Variants in EPHA3 observed in about 807,000 individuals in gnomAD.
EPHA3 encodes ephrin type-A receptor 3.
EPHA3 carries 42 observed loss-of-function variants against 107.1 expected under a neutral mutation model. That is an observed-to-expected ratio of 0.39 (90% confidence interval 0.31 to 0.51). EPHA3 has a LOEUF of 0.51. Among genes scored for constraint, EPHA3 ranks in the 20% least tolerant of loss-of-function variants. The pLI is 0.78. For missense variants in EPHA3, 1,183 were observed against 1,211.2 expected, an observed-to-expected ratio of 0.98 and a Z score of 0.35; for synonymous variants, 461 against 424.8, an observed-to-expected ratio of 1.09 and a Z score of -1.05.
intron 3 of EPHA3, among the ~76,000 whole-genome samples, chr3:89,300,530 T>G (rs1265971401): frequency 6.6e-6 from 1 of 152,002 alleles, no homozygotes; most frequent in Admixed American, 6.6e-5. Flanking sequence ...AATTACTTAG[T>G]ACATGCTATG....
In EPHA3 at chr3:89,353,157, A is replaced by G. The variant is rs1395086543; in HGVS notation, c.1306+11067A>G. Among the ~76,000 whole-genome samples, 44 of 151,218 alleles carry G rather than the reference A, an allele frequency of 2.9e-4. 2 individuals carry two copies. Among genetic ancestry groups the G allele is most frequent in the Admixed American group, 2.8e-3 (43 of 15,128 alleles). Reference sequence around the variant, plus strand: ...TAAAATAAAGGTAGAATAAATGCTTAGCTGAATCTGCCATTAAACTATGGC... The same window carrying G: ...TAAAATAAAGGTAGAATAAATGCTTGGCTGAATCTGCCATTAAACTATGGC... On this transcript the variant is annotated intron_variant, in intron 5 of 16. Coordinates refer to ENST00000336596, the MANE Select transcript of EPHA3 (RefSeq NM_005233.6).
At chr3:89,432,958 A>G (rs1371947183) in intron 13 of EPHA3, among the ~76,000 whole-genome samples, 1 of 152,102 alleles carries the variant, frequency 6.6e-6, no homozygotes, top group Non-Finnish European at 1.5e-5. Flanking sequence ...TACTCTATTC[A>G]TATACATAAT....
rs555489465 is a variant in EPHA3, at chr3:89,382,333, C to A, written c.1307-13504C>A. Among the ~76,000 whole-genome samples, 9 of 151,790 alleles carry A rather than the reference C, an allele frequency of 5.9e-5. No homozygotes were observed. The South Asian group carries it at 6.2e-4, about 11-fold the overall frequency. Reference sequence around the variant, plus strand: ...TACCAGCCTGGCCAACATGGTGAAGCCTTGTCTCTAGTAGAAATACAAAAA... The same window carrying A: ...TACCAGCCTGGCCAACATGGTGAAGACTTGTCTCTAGTAGAAATACAAAAA... On this transcript the variant is annotated intron_variant, in intron 5 of 16. Transcript: ENST00000336596.
intron 10 of EPHA3, 131 bp from the exon 11 acceptor site, chr3:89,419,074 A>G: frequency 1.2e-6 from 1 of 860,122 alleles, no homozygotes; most frequent in Non-Finnish European, 1.7e-6. Flanking sequence ...TTGGAGTACT[A>G]GAGTGTACAT....
chr3:89,121,190 C>T (rs1489978291), intron 1 of EPHA3, among the ~76,000 whole-genome samples: 1 of 151,980 alleles, frequency 6.6e-6, no homozygotes, highest in Non-Finnish European at 1.5e-5. Flanking sequence ...GGGAGGAGAT[C>T]GTGCCACTGC....
chr3:89,226,421 A>G (rs1045722143), intron 3 of EPHA3, among the ~76,000 whole-genome samples: 8 of 152,170 alleles, frequency 5.3e-5, no homozygotes, highest in African/African-American at 1.9e-4. Flanking sequence ...TTAGCTATCT[A>G]GAAAGTCTTT....
At chr3:89,320,294 C>T (rs1189533211) in intron 3 of EPHA3, among the ~76,000 whole-genome samples, 1 of 152,000 alleles carries the variant, frequency 6.6e-6, no homozygotes, top group Non-Finnish European at 1.5e-5. Flanking sequence ...AGCAGCATTT[C>T]AGTGGCCTCC....
intron 5 of EPHA3, among the ~76,000 whole-genome samples, chr3:89,369,304 A>G (rs1483687907): frequency 6.6e-6 from 1 of 150,824 alleles, no homozygotes; most frequent in Admixed American, 6.6e-5. Flanking sequence ...AAACAGAGAT[A>G]TAGATCAATG....
intron 3 of EPHA3, among the ~76,000 whole-genome samples, chr3:89,224,271 A>G (rs1704448645): frequency 6.6e-6 from 1 of 152,202 alleles, no homozygotes; most frequent in African/African-American, 2.4e-5. Flanking sequence ...CATAATCCAA[A>G]TATTTGGCTG....
rs1232050399 is a variant in EPHA3 at position 89,480,357 on chromosome 3, A to C, written c.*855A>C. On this transcript the variant is annotated 3_prime_UTR_variant, in exon 17 of 17. Coordinates refer to ENST00000336596, the MANE Select transcript of EPHA3 (RefSeq NM_005233.6). The stretch of plus-strand genomic sequence containing the variant: ...GTTCATACACTAACCAAATCTCTCA[A>C]ATCTGTTATCCCAATCATTGTTGCC... 4.3e-6 allele frequency: 1 copy of C among 233,090 alleles called. No individual in the cohort carries two copies. Among genetic ancestry groups the C allele is most frequent in the African/African-American group, 2.2e-5 (1 of 45,320 alleles). 14.4% of individuals were successfully genotyped at this position (233,090 alleles called of 1,614,324 possible). A position where few individuals can be genotyped will look rare whatever the true frequency, so the allele number is the denominator to read the frequency against.
intron 5 of EPHA3, among the ~76,000 whole-genome samples, chr3:89,347,809 G>C (rs1445893401): frequency 3.3e-5 from 5 of 150,896 alleles, no homozygotes; most frequent in Non-Finnish European, 7.4e-5. Flanking sequence ...AATTTATTGA[G>C]AGTTTTTAGC....
intron 8 of EPHA3, 118 bp downstream of exon 8, chr3:89,407,489 C>T: frequency 1.3e-6 from 1 of 786,948 alleles, no homozygotes; most frequent in South Asian, 1.8e-5. Flanking sequence ...AAGAATGTCT[C>T]CACTTGTAGT....
chr3:89,148,010 G>A (rs1416365003), intron 2 of EPHA3, among the ~76,000 whole-genome samples: 2 of 151,758 alleles, frequency 1.3e-5, no homozygotes, highest in African/African-American at 4.8e-5. Context: ...GAAAGAAAAA[G>A]GCATTTGGGT....
intron 3 of EPHA3, among the ~76,000 whole-genome samples, chr3:89,263,016 A>G (rs2107283934): frequency 7.4e-6 from 1 of 136,002 alleles, no homozygotes. Context: ...TCTCGGATAC[A>G]TGTGCAGAAG....
At chr3:89,301,592 T>C (rs1245514172) in intron 3 of EPHA3, among the ~76,000 whole-genome samples, 1 of 152,152 alleles carries the variant, frequency 6.6e-6, no homozygotes, top group Non-Finnish European at 1.5e-5. Context: ...TTTCAGCAAC[T>C]ATTTTCACAG....
intron 2 of EPHA3, among the ~76,000 whole-genome samples, chr3:89,149,381 A>G (rs550646225): frequency 8.9e-4 from 135 of 152,122 alleles, no homozygotes; most frequent in Non-Finnish European, 8.8e-5. Flanking sequence ...TTGAAATAAG[A>G]CACATAGGAG....
At chr3:89,149,907 C>G (rs1704652334) in intron 2 of EPHA3, among the ~76,000 whole-genome samples, 1 of 151,886 alleles carries the variant, frequency 6.6e-6, no homozygotes, top group Non-Finnish European at 1.5e-5. Context: ...CTCATCTCAG[C>G]TGTTATAATA....
At chr3:89,121,638 T>A (rs1338299628) in intron 1 of EPHA3, among the ~76,000 whole-genome samples, 3 of 151,876 alleles carry the variant, frequency 2.0e-5, no homozygotes, top group African/African-American at 4.8e-5. Flanking sequence ...ACGCCTGTAG[T>A]CCCAGTTACT....
intron 15 of EPHA3, among the ~76,000 whole-genome samples, chr3:89,460,252 T>C (rs1710195750): frequency 6.6e-6 from 1 of 152,172 alleles, no homozygotes; most frequent in African/African-American, 2.4e-5. Flanking sequence ...TGAATTCTTC[T>C]ATACTGTTGT....
Sources: gnomAD v4.1 joint callset for allele counts (sites outside exome capture counted in the v4.1 genomes callset) on GRCh38, gnomAD v4.1.1 for gene constraint, MANE v1.5 for transcripts, NCBI Gene and HGNC (gene_info 2026-07-23, HGNC 2026-07-21) for gene names.